The following NCALD variants were observed in gnomAD, a reference collection of about 807,000 sequenced individuals.
The protein encoded by NCALD is neurocalcin delta.
In NCALD, 10 loss-of-function variants were observed where a neutral mutation model predicts 18.6. That is an observed-to-expected ratio of 0.54 (90% confidence interval 0.33 to 0.91). NCALD has a LOEUF of 0.91. Ranked by LOEUF, NCALD falls within the 40% of genes least tolerant of loss-of-function variation. The probability of loss-of-function intolerance (pLI) is 0.03; values close to 1 mark genes in which losing one functional copy is unlikely to be tolerated. For missense variants in NCALD, 184 were observed against 247.6 expected (o/e 0.74, Z 1.72); for synonymous variants, 88 against 87.4 (o/e 1.01, Z -0.04).
intron 2 of NCALD, among the ~76,000 whole-genome samples, chr8:101,943,064 T>C (rs1819017748): frequency 6.6e-6 from 1 of 152,164 alleles, no homozygotes. Flanking sequence ...GGAAGTGTGT[T>C]CTGGAGCGGG....
At chr8:102,065,664 T>A (rs1823986639) in intron 1 of NCALD, among the ~76,000 whole-genome samples, 1 of 152,118 alleles carries the variant, frequency 6.6e-6, no homozygotes, top group Admixed American at 6.6e-5. Flanking sequence ...ATTACAAATA[T>A]CACAGCTATG....
At chr8:102,021,953 ACTCAGTTTC>A (rs1243181786) in intron 1 of NCALD, among the ~76,000 whole-genome samples, 2 of 152,132 alleles carry the variant, frequency 1.3e-5, no homozygotes, top group African/African-American at 4.8e-5. Context: ...CCTCTCTGTG[ACTCAGTTTC>A]CTCATCTGTA....
At chr8:101,896,113 T>C (rs1344122964) in intron 3 of NCALD, among the ~76,000 whole-genome samples, 1 of 151,320 alleles carries the variant, frequency 6.6e-6, no homozygotes, top group Non-Finnish European at 1.5e-5. Context: ...GACTTCAAAC[T>C]ATACTACAAG....
intron 1 of NCALD, among the ~76,000 whole-genome samples, chr8:102,034,015 TAC>T (rs34381236): frequency 0.56 from 83,455 of 147,738 alleles, 23,789 homozygotes; most frequent in South Asian, 0.74. Flanking sequence ...TCCCTCTAAA[TAC>T]ACACACACAC....
At chr8:101,694,597 AG>A (rs1814897463) in intron 2 of NCALD, among the ~76,000 whole-genome samples, 1 of 152,126 alleles carries the variant, frequency 6.6e-6, no homozygotes, top group African/African-American at 2.4e-5. Flanking sequence ...TAAAGCGCAG[AG>A]TTAGGGTGCT....
intron 1 of NCALD, among the ~76,000 whole-genome samples, chr8:102,047,193 G>A (rs1216728059): frequency 6.6e-6 from 1 of 152,156 alleles, no homozygotes; most frequent in African/African-American, 2.4e-5. Flanking sequence ...TATAGGTACT[G>A]CGTTTTCTTT....
intron 2 of NCALD, among the ~76,000 whole-genome samples, chr8:101,970,431 G>A (rs1472415833): frequency 6.6e-6 from 1 of 151,938 alleles, no homozygotes; most frequent in African/African-American, 2.4e-5. Flanking sequence ...GCCCCCTCCT[G>A]GAAGGCAGAT....
rs1563783000 is a variant in NCALD, at chr8:101,801,643, C to CTTTTTCTTTTT, written c.-19-81996_-19-81995insAAAAAGAAAAA. Among the ~76,000 whole-genome samples the CTTTTTCTTTTT allele has an allele frequency of 2.5e-4, 11 of 44,176 alleles. 1 individual carries two copies. The highest frequency in any genetic ancestry group is 6.9e-4 in the Admixed American group (2 of 2,892). 29.0% of individuals were successfully genotyped at this position (44,176 alleles called of 152,430 possible). On this transcript the variant is annotated intron_variant, in intron 4 of 6. Coordinates refer to the NCALD transcript ENST00000311028. ...TCTCTATGATTTACAAGCACACTTA[C>CTTTTTCTTTTT]TTTTTTTTTTTTTTTTTTTTTTTTT...
chr8:101,809,639 C>G (rs113545700), intron 4 of NCALD, among the ~76,000 whole-genome samples: 1 of 152,084 alleles, frequency 6.6e-6, no homozygotes, highest in African/African-American at 2.4e-5. Flanking sequence ...CTTCATCCCC[C>G]GGGTTGCAGT....
At chr8:102,050,921 A>G (rs989791751) in intron 1 of NCALD, among the ~76,000 whole-genome samples, 2 of 146,994 alleles carry the variant, frequency 1.4e-5, no homozygotes, top group African/African-American at 4.9e-5. Context: ...TAAGTATATA[A>G]TTTATATATA....
At chr8:101,818,314 T>C (rs1015545260) in intron 4 of NCALD, among the ~76,000 whole-genome samples, 1 of 152,202 alleles carries the variant, frequency 6.6e-6, no homozygotes, top group African/African-American at 2.4e-5. Context: ...CAATTGGCAC[T>C]GCACTGAGTG....
At chr8:101,897,371 TG>T (rs1372410652) in intron 3 of NCALD, among the ~76,000 whole-genome samples, 3 of 92,512 alleles carry the variant, frequency 3.2e-5, no homozygotes, top group Non-Finnish European at 6.4e-5. Context: ...TGTGGTGGGG[TG>T]GGGGGAGGGG....
At position 101,773,898 on chromosome 8, in the gene NCALD, C is replaced by A. The variant is rs570901684; in HGVS notation, c.-20+16964G>T. ...TTATGTGCTCTTGGGCCAGAATCAA[C>A]TTTACTAGGACTTTGTTTTCTCATT... On this transcript the variant is annotated intron_variant, in intron 1 of 3. Transcript: ENST00000220931. Among the ~76,000 whole-genome samples, 6 of 152,288 alleles carry A rather than the reference C, an allele frequency of 3.9e-5. No homozygotes were observed. The East Asian group carries it at 1.2e-3, about 29-fold the overall frequency.
chr8:101,707,080 C>T (rs1456438505), intron 2 of NCALD, among the ~76,000 whole-genome samples: 2 of 152,082 alleles, frequency 1.3e-5, no homozygotes, highest in Non-Finnish European at 2.9e-5. Flanking sequence ...AGCTGAATTC[C>T]CAGGGGGTAA....
chr8:101,967,652 A>G (rs956184002), intron 2 of NCALD, among the ~76,000 whole-genome samples: 1 of 152,142 alleles, frequency 6.6e-6, no homozygotes, highest in Non-Finnish European at 1.5e-5. Flanking sequence ...CAGGCGTCTC[A>G]GAACCCAAGG....
At chr8:101,949,074 A>G (rs1819288445) in intron 2 of NCALD, among the ~76,000 whole-genome samples, 1 of 152,200 alleles carries the variant, frequency 6.6e-6, no homozygotes, top group South Asian at 2.1e-4. Flanking sequence ...AAGTAATAAA[A>G]AGTGCATAAA....
At chr8:101,798,383 T>G (rs1023798195) in intron 4 of NCALD, among the ~76,000 whole-genome samples, 1 of 152,336 alleles carries the variant, frequency 6.6e-6, no homozygotes, top group East Asian at 1.9e-4. Flanking sequence ...ATGTAGAGAC[T>G]GAATTTTAAA....
intron 4 of NCALD, among the ~76,000 whole-genome samples, chr8:101,870,904 C>CCG (rs1554649185): frequency 3.6e-5 from 3 of 82,732 alleles, no homozygotes; most frequent in African/African-American, 5.0e-5. Context: ...CCCACCCCCC[C>CCG]CCCCCAAAAA....
intron 4 of NCALD, among the ~76,000 whole-genome samples, chr8:101,810,556 A>G (rs929677872): frequency 2.0e-5 from 3 of 152,162 alleles, no homozygotes; most frequent in African/African-American, 7.2e-5. Context: ...ATGAATTTAT[A>G]TTTATATTTT....
Sources: allele counts gnomAD v4.1 joint callset (sites outside exome capture counted in the v4.1 genomes callset), GRCh38; gene constraint gnomAD v4.1.1; transcripts MANE v1.5; gene names NCBI Gene and HGNC (gene_info 2026-07-23, HGNC 2026-07-21).